PLGRKT: variants seen among roughly 807,000 people sequenced by gnomAD.
PLGRKT encodes the protein plasminogen receptor with a C-terminal lysine, also known as plasminogen receptor (KT).
Under a neutral mutation model 18.5 loss-of-function variants are expected in PLGRKT, and 22 were observed. The ratio of observed to expected loss-of-function variants is 1.19; its 90% CI spans 0.85 to 1.70. The LOEUF (loss-of-function observed/expected upper bound fraction) is 1.70. PLGRKT is among the 40% of genes most tolerant of loss of function. The pLI is 0.00. For synonymous variants in PLGRKT, 72 were observed against 52.8 expected, an observed-to-expected ratio of 1.36 and a Z score of -1.58; for missense variants, 235 against 174.4, an observed-to-expected ratio of 1.35 and a Z score of -1.96.
chr9:5,378,795 C>G (rs976808762), intron 3 of PLGRKT, among the ~76,000 whole-genome samples: 1 of 152,010 alleles, frequency 6.6e-6, no homozygotes, highest in African/African-American at 2.4e-5. Context: ...TAGGATTTAA[C>G]CATCTCTTTC....
intron 3 of PLGRKT, among the ~76,000 whole-genome samples, chr9:5,364,691 CTG>C (rs1177592933): frequency 6.6e-6 from 1 of 152,224 alleles, no homozygotes; most frequent in Non-Finnish European, 1.5e-5. Context: ...TACATAAACA[CTG>C]TACTCTAGTG....
intron 3 of PLGRKT, among the ~76,000 whole-genome samples, chr9:5,391,476 T>C (rs1408159860): frequency 6.6e-6 from 1 of 151,990 alleles, no homozygotes; most frequent in Non-Finnish European, 1.5e-5. Context: ...TTACATGTAA[T>C]GAGCTGTGCT....
At chr9:5,388,998 C>T (rs530849251) in intron 3 of PLGRKT, among the ~76,000 whole-genome samples, 2 of 152,050 alleles carry the variant, frequency 1.3e-5, no homozygotes, top group East Asian at 3.9e-4. Context: ...GGCTTATTGA[C>T]TTGTGCAATG....
intron 3 of PLGRKT, among the ~76,000 whole-genome samples, chr9:5,385,719 C>A (rs113352794): frequency 6.6e-6 from 1 of 151,622 alleles, no homozygotes; most frequent in African/African-American, 2.4e-5. Flanking sequence ...AGGAAAGCAG[C>A]CAAAATTTGT....
chr9:5,365,976 GA>G (rs1444812483), intron 3 of PLGRKT, among the ~76,000 whole-genome samples: 1 of 152,116 alleles, frequency 6.6e-6, no homozygotes, highest in African/African-American at 2.4e-5. Flanking sequence ...GGCCTAGAGT[GA>G]GAAAAAATTC....
At chr9:5,421,480 G>A (rs1475667406) in intron 3 of PLGRKT, among the ~76,000 whole-genome samples, 1 of 152,164 alleles carries the variant, frequency 6.6e-6, no homozygotes, top group Non-Finnish European at 1.5e-5. Context: ...TGTTCCCACT[G>A]GAGTGTAAGT....
intron 3 of PLGRKT, chr9:5,419,070 G>T: frequency 3.2e-6 from 1 of 310,788 alleles, no homozygotes. Flanking sequence ...TGCAGGTCAT[G>T]GGGAGCTCAG....
chr9:5,363,214 G>C (rs1435015481), intron 3 of PLGRKT, among the ~76,000 whole-genome samples: 1 of 151,954 alleles, frequency 6.6e-6, no homozygotes, highest in Admixed American at 6.5e-5. Context: ...GCACCCGAGA[G>C]TGCTTTTCTG....
At chr9:5,393,112 G>C (rs1817980485) in intron 3 of PLGRKT, among the ~76,000 whole-genome samples, 1 of 151,818 alleles carries the variant, frequency 6.6e-6, no homozygotes, top group Non-Finnish European at 1.5e-5. Context: ...AAAGTACTGG[G>C]ATTACAGGTA....
At chr9:5,400,282 T>A (rs1818131362) in intron 3 of PLGRKT, among the ~76,000 whole-genome samples, 1 of 151,928 alleles carries the variant, frequency 6.6e-6, no homozygotes, top group African/African-American at 2.4e-5. Flanking sequence ...GGTCTTCATA[T>A]TCAAAATTCC....
In PLGRKT at chr9:5,381,961, C is replaced by T. The variant is rs1563773076; in HGVS notation, c.82-20073G>A. 4.1e-6 allele frequency: 4 copies of T among 985,134 alleles called. No individual in the cohort carries two copies. In the African/African-American group the frequency reaches 7.0e-5, roughly 17 times the overall value. 61.0% of individuals were successfully genotyped at this position (985,134 alleles called of 1,614,324 possible). A position where few individuals can be genotyped will look rare whatever the true frequency, so the allele number is the denominator to read the frequency against. ...CAGGGCCTCCATGCCTGAGCCAGCT[C>T]TCAAGCACAAGGCACTCCTCCCCTG... On this transcript the variant is annotated intron_variant, in intron 3 of 5. Transcript: ENST00000223864.
At chr9:5,405,084 C>T (rs1168921467) in intron 3 of PLGRKT, among the ~76,000 whole-genome samples, 2 of 152,060 alleles carry the variant, frequency 1.3e-5, no homozygotes, top group Non-Finnish European at 2.9e-5. Flanking sequence ...AAGTGAAGGA[C>T]CTCTTCAATG....
At chr9:5,396,069 G>C (rs777989725) in intron 3 of PLGRKT, among the ~76,000 whole-genome samples, 9 of 150,748 alleles carry the variant, frequency 6.0e-5, no homozygotes, top group Non-Finnish European at 1.3e-4. Flanking sequence ...AATTTTTGTA[G>C]TTTTAGTAGA....
intron 3 of PLGRKT, among the ~76,000 whole-genome samples, chr9:5,390,876 C>T (rs1817937841): frequency 6.6e-6 from 1 of 151,850 alleles, no homozygotes; most frequent in Non-Finnish European, 1.5e-5. Context: ...ATGACTAAAT[C>T]TTCAAAAAGA....
intron 3 of PLGRKT, among the ~76,000 whole-genome samples, chr9:5,425,039 T>A (rs1169392685): frequency 6.6e-6 from 1 of 152,140 alleles, no homozygotes; most frequent in African/African-American, 2.4e-5. Flanking sequence ...AAACCTTTAG[T>A]TTGTTGCTTG....
At chr9:5,427,386 C>T (rs1818723519) in intron 3 of PLGRKT, among the ~76,000 whole-genome samples, 1 of 151,818 alleles carries the variant, frequency 6.6e-6, no homozygotes, top group African/African-American at 2.4e-5. Context: ...AAAGTGCTTC[C>T]TTTAAGTGAA....
chr9:5,375,695 A>T (rs950138199), intron 3 of PLGRKT, among the ~76,000 whole-genome samples: 2 of 152,244 alleles, frequency 1.3e-5, no homozygotes, highest in African/African-American at 2.4e-5. Flanking sequence ...AAAAACAGAA[A>T]ATAACCACTG....
At chr9:5,406,180 C>T (rs1285534625) in intron 3 of PLGRKT, among the ~76,000 whole-genome samples, 1 of 152,190 alleles carries the variant, frequency 6.6e-6, no homozygotes, top group Non-Finnish European at 1.5e-5. Flanking sequence ...ATTAGTTCAA[C>T]CTTTGTGGAA....
intron 3 of PLGRKT, among the ~76,000 whole-genome samples, chr9:5,365,671 G>T (rs947665832): frequency 2.0e-5 from 3 of 152,134 alleles, no homozygotes; most frequent in Non-Finnish European, 4.4e-5. Context: ...TCTGAACGTG[G>T]GATGTATTGA....
Sources: gnomAD v4.1 joint callset for allele counts (sites outside exome capture counted in the v4.1 genomes callset) on GRCh38, gnomAD v4.1.1 for gene constraint, MANE v1.5 for transcripts, NCBI Gene and HGNC (gene_info 2026-07-23, HGNC 2026-07-21) for gene names.